GRIK1: variants seen among roughly 807,000 people sequenced by gnomAD.
GRIK1 encodes glutamate ionotropic receptor kainate type subunit 1, also known as glutamate receptor ionotropic, kainate 1.
Under a neutral mutation model 105.7 loss-of-function variants are expected in GRIK1, and 69 were observed. That is an observed-to-expected ratio of 0.65 (90% CI 0.54 to 0.80). GRIK1 has a LOEUF of 0.80. Ranked by LOEUF, GRIK1 falls within the 30% of genes least tolerant of loss-of-function variation. The pLI, the probability that GRIK1 is intolerant of heterozygous loss-of-function variation, is 0.00. For missense variants in GRIK1, 1,109 were observed against 1,167.3 expected (o/e 0.95, Z 0.73); for synonymous variants, 438 against 431.3 (o/e 1.02, Z -0.19).
Position 29,561,866 on chromosome 21 carries a change from C to A in GRIK1, c.2131-17G>T, listed in dbSNP as rs1272268035. The A allele has an allele frequency of 6.8e-7, 1 of 1,466,066 alleles. No homozygotes were observed. Among genetic ancestry groups the A allele is most frequent in the African/African-American group, 1.4e-5 (1 of 72,114 alleles). The allele number at this position is 1,466,066 out of a possible 1,614,324, so 90.8% of individuals were successfully genotyped here. ...TTTTGATTTCTGGAGGGAAAGAAAA[C>A]ACACTCACCAGCAGAAGAGGGCTGG... On this transcript the variant is annotated splice_polypyrimidine_tract_variant and intron_variant, in intron 14 of 17. Transcript: ENST00000327783.
intron 7 of GRIK1, among the ~76,000 whole-genome samples, chr21:29,613,180 G>C (rs1168469379): frequency 6.6e-6 from 1 of 152,108 alleles, no homozygotes; most frequent in Non-Finnish European, 1.5e-5. Flanking sequence ...GTTCCCTTAT[G>C]ATCTTGACCT....
At chr21:29,771,687 G>C (rs1454312324) in intron 1 of GRIK1, among the ~76,000 whole-genome samples, 1 of 152,210 alleles carries the variant, frequency 6.6e-6, no homozygotes, top group African/African-American at 2.4e-5. Context: ...AGCCAGTGTG[G>C]GCTGGATATC....
At position 29,587,449 on chromosome 21, in the gene GRIK1, G is replaced by A. The variant is rs2091153692; in HGVS notation, c.1710C>T (p.Phe570=). 6.2e-7 allele frequency: 1 copy of A among 1,613,666 alleles called. No homozygotes were observed. The highest frequency in any genetic ancestry group is 1.3e-5 in the African/African-American group (1 of 74,904). The change falls in exon 12 of 18, where the codon TTC becomes TTT. Residue 570 remains phenylalanine (F), a synonymous_variant. Transcript: ENST00000327783. ...AAATATCTGGAGACAGGGGGTTGAGGAAGGAGAAAACGCCTGGATTGGTAC... is the reference window on the plus strand; with the variant it reads ...AAATATCTGGAGACAGGGGGTTGAGAAAGGAGAAAACGCCTGGATTGGTAC... ...PNGTNPGVFS[F]LNPLSPDIWM...
At chr21:29,700,487 T>G (rs2063791053) in intron 1 of GRIK1, among the ~76,000 whole-genome samples, 1 of 152,180 alleles carries the variant, frequency 6.6e-6, no homozygotes, top group Non-Finnish European at 1.5e-5. Flanking sequence ...GGCAATGGCT[T>G]CCAAACTTTC....
intron 7 of GRIK1, among the ~76,000 whole-genome samples, chr21:29,601,053 A>G (rs570595304): frequency 6.6e-6 from 1 of 152,304 alleles, no homozygotes; most frequent in South Asian, 2.1e-4. Context: ...ATCTAGTCAA[A>G]CATTATTTCT....
chr21:29,668,237 T>C (rs911931052), intron 4 of GRIK1, among the ~76,000 whole-genome samples: 2 of 152,186 alleles, frequency 1.3e-5, no homozygotes, highest in African/African-American at 4.8e-5. Context: ...GTAAAGGATA[T>C]GGACAACACA....
chr21:29,608,348 A>C (rs1356297150), intron 7 of GRIK1, among the ~76,000 whole-genome samples: 1 of 152,160 alleles, frequency 6.6e-6, no homozygotes, highest in African/African-American at 2.4e-5. Context: ...GTGTGTGTGG[A>C]GTATAGAAGG....
intron 1 of GRIK1, chr21:29,758,695 A>G (rs2065419733): frequency 6.6e-6 from 1 of 152,668 alleles, no homozygotes; most frequent in African/African-American, 2.4e-5. Context: ...TTCCAGTCAA[A>G]GAAGCCTGTA....
At chr21:29,683,667 C>T in intron 3 of GRIK1, among the ~76,000 whole-genome samples, 1 of 152,122 alleles carries the variant, frequency 6.6e-6, no homozygotes, top group East Asian at 1.9e-4. Context: ...GGTACCTGTG[C>T]TCACTCACTG....
intron 9 of GRIK1, among the ~76,000 whole-genome samples, chr21:29,592,266 T>C (rs2061344360): frequency 6.6e-6 from 1 of 152,192 alleles, no homozygotes. Context: ...GTCTGTCCAC[T>C]TGATCGTGAA....
chr21:29,572,695 A>C (rs1286770999), intron 14 of GRIK1, among the ~76,000 whole-genome samples: 1 of 151,916 alleles, frequency 6.6e-6, no homozygotes, highest in Non-Finnish European at 1.5e-5. Flanking sequence ...TTTGGGGTAA[A>C]TTATCTAGCC....
At position 29,632,512 on chromosome 21, in the gene GRIK1, TACAC is replaced by T. The variant is rs5843396; in HGVS notation, c.1098+10310_1098+10313del. ...TTAAAGAAATAGATACAGACACAAA[TACAC>T]ACACACACACACACACACACGGTCT... On this transcript the variant is annotated intron_variant, in intron 7 of 17. Coordinates refer to ENST00000327783, the MANE Select transcript of GRIK1 (RefSeq NM_001330994.2). Among the ~76,000 whole-genome samples the T allele has an allele frequency of 4.7e-3, 706 of 149,918 alleles. 5 individuals carry two copies. The highest frequency in any genetic ancestry group is 0.016 in the African/African-American group (664 of 41,022).
chr21:29,629,636 C>T (rs1411130284), intron 7 of GRIK1, among the ~76,000 whole-genome samples: 1 of 151,902 alleles, frequency 6.6e-6, no homozygotes, highest in Non-Finnish European at 1.5e-5. Flanking sequence ...ACTAGAGGCG[C>T]CCGCCACCAC....
chr21:29,669,321 G>A (rs1371104499), intron 4 of GRIK1, among the ~76,000 whole-genome samples: 1 of 152,166 alleles, frequency 6.6e-6, no homozygotes, highest in African/African-American at 2.4e-5. Context: ...AAAGGTGCAG[G>A]GAAATGCAGG....
intron 1 of GRIK1, among the ~76,000 whole-genome samples, chr21:29,779,494 GGTGTGT>G (rs3054349): frequency 2.5e-3 from 377 of 148,102 alleles, no homozygotes; most frequent in African/African-American, 3.5e-3. Flanking sequence ...GCCCTTTTAT[GGTGTGT>G]GTGTGTGTGT....
chr21:29,805,828 C>T (rs758867675), intron 1 of GRIK1, among the ~76,000 whole-genome samples: 2 of 152,056 alleles, frequency 1.3e-5, no homozygotes, highest in East Asian at 3.9e-4. Flanking sequence ...GCAAGGGAAA[C>T]CTGTGATCAC....
At chr21:29,927,077 C>T (rs1047589060) in intron 1 of GRIK1, among the ~76,000 whole-genome samples, 1 of 152,126 alleles carries the variant, frequency 6.6e-6, no homozygotes, top group Non-Finnish European at 1.5e-5. Context: ...AACAAATTGG[C>T]ATGGTCTGTG....
intron 15 of GRIK1, 125 bp from the exon 16 acceptor site, chr21:29,555,427 A>T: frequency 1.2e-6 from 1 of 844,968 alleles, no homozygotes; most frequent in Non-Finnish European, 1.9e-6. Flanking sequence ...CCACAAATTG[A>T]CTTGCAAAGG....
At chr21:29,801,177 C>G (rs2066699748) in intron 1 of GRIK1, among the ~76,000 whole-genome samples, 1 of 151,862 alleles carries the variant, frequency 6.6e-6, no homozygotes, top group African/African-American at 2.4e-5. Flanking sequence ...TTTAAGTTGA[C>G]CATTTCTTCT....
Sources: gnomAD v4.1 joint callset for allele counts (sites outside exome capture counted in the v4.1 genomes callset) on GRCh38, gnomAD v4.1.1 for gene constraint, MANE v1.5 for transcripts, NCBI Gene and HGNC (gene_info 2026-07-23, HGNC 2026-07-21) for gene names.